CNIH3: variants seen among roughly 807,000 people sequenced by gnomAD.
CNIH3 encodes protein cornichon homolog 3.
Under a neutral mutation model 24.1 loss-of-function variants are expected in CNIH3, and 14 were observed. The ratio of observed to expected loss-of-function variants is 0.58; its 90% confidence interval spans 0.38 to 0.91. The LOEUF is 0.91. CNIH3 is among the 40% of genes least tolerant of loss of function. CNIH3 has a pLI of 0.00. For missense variants in CNIH3, 178 were observed against 196.8 expected (o/e 0.90, Z 0.57); for synonymous variants, 68 against 73.8 (o/e 0.92, Z 0.40).
At chr1:224,559,838 C>T (rs1438736653) in intron 3 of CNIH3, among the ~76,000 whole-genome samples, 1 of 152,084 alleles carries the variant, frequency 6.6e-6, no homozygotes, top group African/African-American at 2.4e-5. Flanking sequence ...TACCCCTCCC[C>T]AGTTATACTC....
At chr1:224,542,184 A>T (rs114647146), downstream of CNIH3, among the ~76,000 whole-genome samples, 1,371 of 152,292 alleles carry the variant, frequency 9.0e-3, 25 homozygotes, top group African/African-American at 0.031. Flanking sequence ...TGCATCATCA[A>T]TTCATGTTTT....
At chr1:224,588,243 T>G (rs991070403) in intron 5 of CNIH3, 1 of 152,218 alleles carries the variant, frequency 6.6e-6, no homozygotes. Context: ...TAACACACGG[T>G]GTCATCTCAC....
intron 1 of CNIH3, chr1:224,434,901 A>G (rs994302037): frequency 5.2e-5 from 51 of 984,422 alleles, no homozygotes; most frequent in Non-Finnish European, 6.0e-5. Context: ...CAGCACGTGC[A>G]TCGGGGGCTG....
At chr1:224,643,547 C>T (rs533394353) in intron 1 of CNIH3, among the ~76,000 whole-genome samples, 4 of 152,296 alleles carry the variant, frequency 2.6e-5, no homozygotes, top group African/African-American at 9.6e-5. Context: ...AGGAGAGAGC[C>T]TGCCTTCATG....
At chr1:224,582,135 A>C (rs933955766) in intron 4 of CNIH3, among the ~76,000 whole-genome samples, 1 of 152,144 alleles carries the variant, frequency 6.6e-6, no homozygotes, top group South Asian at 2.1e-4. Flanking sequence ...TAATATTTAC[A>C]TACAATTCAG....
downstream of CNIH3, among the ~76,000 whole-genome samples, chr1:224,537,791 G>A (rs1679345914): frequency 2.0e-5 from 3 of 152,104 alleles, no homozygotes; most frequent in Admixed American, 2.0e-4. Flanking sequence ...ATTTAGTTTG[G>A]GATACAGGGA....
chr1:224,712,298 T>G (rs930053821), intron 3 of CNIH3, among the ~76,000 whole-genome samples: 2 of 152,208 alleles, frequency 1.3e-5, no homozygotes, highest in Non-Finnish European at 2.9e-5. Flanking sequence ...ATTTGCATTT[T>G]TATTAATATC....
intron 1 of CNIH3, among the ~76,000 whole-genome samples, chr1:224,649,470 G>T (rs1320337211): frequency 6.6e-6 from 1 of 152,054 alleles, no homozygotes; most frequent in Non-Finnish European, 1.5e-5. Flanking sequence ...CTAAATTTGT[G>T]GTAATTTATT....
chr1:224,578,245 C>T (rs564733708), intron 4 of CNIH3, among the ~76,000 whole-genome samples: 9 of 152,238 alleles, frequency 5.9e-5, no homozygotes, highest in South Asian at 2.1e-4. Flanking sequence ...GTTAAACATT[C>T]GCCTTTTCTG....
intron 4 of CNIH3, among the ~76,000 whole-genome samples, chr1:224,567,710 C>G (rs1191406036): frequency 6.6e-6 from 1 of 152,124 alleles, no homozygotes; most frequent in African/African-American, 2.4e-5. Flanking sequence ...TGTGGCTTCT[C>G]TCATCATAGT....
At chr1:224,569,991 C>T (rs1288740141) in intron 4 of CNIH3, among the ~76,000 whole-genome samples, 1 of 151,764 alleles carries the variant, frequency 6.6e-6, no homozygotes, top group Admixed American at 6.6e-5. Context: ...ACCATGTTGG[C>T]CAGGCTGGTC....
chr1:224,501,683 C>T (rs536692622), intron 1 of CNIH3, among the ~76,000 whole-genome samples: 90 of 151,756 alleles, frequency 5.9e-4, no homozygotes, highest in African/African-American at 2.0e-3. Context: ...CAGGTTCAAG[C>T]GATTTTCCTG....
chr1:224,446,212 GTT>G (rs35812016), intron 1 of CNIH3, among the ~76,000 whole-genome samples: 3,745 of 108,962 alleles, frequency 0.034, 41 homozygotes, highest in Non-Finnish European at 0.051. Flanking sequence ...TTTCAACTTT[GTT>G]TTTTTTTTTT....
At chr1:224,475,431 A>G (rs961079991) in intron 1 of CNIH3, among the ~76,000 whole-genome samples, 1 of 152,150 alleles carries the variant, frequency 6.6e-6, no homozygotes, top group Non-Finnish European at 1.5e-5. Flanking sequence ...TGCCAAATTC[A>G]AAGGATGATT....
intron 1 of CNIH3, among the ~76,000 whole-genome samples, chr1:224,484,196 C>T (rs569147736): frequency 1.7e-3 from 252 of 150,272 alleles, no homozygotes; most frequent in African/African-American, 5.6e-3. Flanking sequence ...ATTGGGAGGC[C>T]GAGGCGGGCA....
chr1:224,605,858 G>C (rs1217616022), intron 3 of CNIH3, among the ~76,000 whole-genome samples: 2 of 152,194 alleles, frequency 1.3e-5, no homozygotes, highest in Non-Finnish European at 2.9e-5. Flanking sequence ...AGCCTTCAGG[G>C]AGATTGATTT....
intron 3 of CNIH3, among the ~76,000 whole-genome samples, chr1:224,594,815 G>A (rs1321071124): frequency 2.0e-5 from 3 of 152,346 alleles, no homozygotes; most frequent in East Asian, 3.9e-4. Context: ...TGACTAGATA[G>A]GCCAGCCCCT....
rs571545732 is a variant in CNIH3 at position 224,703,096 on chromosome 1, G to A, written c.198+18253G>A. Among the ~76,000 whole-genome samples, 6 of 152,248 alleles carry A rather than the reference G, an allele frequency of 3.9e-5. No individual in the cohort carries two copies. In the East Asian group the frequency reaches 9.6e-4, roughly 24 times the overall value. ...GCAGGCAGAGGCAAACCATTGCCCT[G>A]TTTTTTTCCAGAGCAGGAAACACTT... is the stretch of plus-strand genomic sequence containing the variant. On this transcript the variant is annotated intron_variant, in intron 3 of 5. Transcript: ENST00000272133. This position sits in a 1 kb window ranked among gnomAD's most constrained non-coding sequence, Gnocchi z 4.2.
intron 3 of CNIH3, among the ~76,000 whole-genome samples, chr1:224,608,093 G>A (rs1369408369): frequency 1.7e-4 from 26 of 152,156 alleles, no homozygotes; most frequent in Non-Finnish European, 4.4e-5. Context: ...AGGGGCATAA[G>A]GCAGAAGGAG....
Sources: allele counts gnomAD v4.1 joint callset (sites outside exome capture counted in the v4.1 genomes callset), GRCh38; gene constraint gnomAD v4.1.1; non-coding constraint Gnocchi (gnomAD v3.1); transcripts MANE v1.5; gene names NCBI Gene and HGNC (gene_info 2026-07-23, HGNC 2026-07-21).